Variants in B3GALT1 observed in about 807,000 individuals in gnomAD.
The protein encoded by B3GALT1 is beta-1,3-galactosyltransferase 1, also known as UDP-Gal:betaGlcNAc beta 1,3-galactosyltransferase, polypeptide 1.
Under a neutral mutation model 23.2 loss-of-function variants are expected in B3GALT1, and 10 were observed. That is an observed-to-expected ratio of 0.43 (90% CI 0.27 to 0.73). B3GALT1 has a LOEUF of 0.73. Among genes scored for constraint, B3GALT1 ranks in the 30% least tolerant of loss-of-function variants. B3GALT1 has a pLI of 0.21. For synonymous variants in B3GALT1, 156 were observed against 141.5 expected, an observed-to-expected ratio of 1.10 and a Z score of -0.73; for missense variants, 299 against 405.4, an observed-to-expected ratio of 0.74 and a Z score of 2.25.
chr2:167,540,709 G>A (rs974127779), intron 2 of B3GALT1, among the ~76,000 whole-genome samples: 7 of 151,996 alleles, frequency 4.6e-5, no homozygotes, highest in Non-Finnish European at 8.8e-5. Context: ...CCTCATATAT[G>A]TTATTTCTAA....
At chr2:167,609,286 C>G (rs1383713529) in intron 2 of B3GALT1, among the ~76,000 whole-genome samples, 1 of 152,084 alleles carries the variant, frequency 6.6e-6, no homozygotes, top group Non-Finnish European at 1.5e-5. Flanking sequence ...AGCTTTAGCT[C>G]CCAACTGGGG....
chr2:167,761,687 CT>C (rs1370868838), intron 3 of B3GALT1, among the ~76,000 whole-genome samples: 3 of 152,168 alleles, frequency 2.0e-5, no homozygotes, highest in Non-Finnish European at 4.4e-5. Context: ...AGCCTTCTGG[CT>C]TTTTGTTCAG....
intron 2 of B3GALT1, among the ~76,000 whole-genome samples, chr2:167,625,188 A>C (rs1363863518): frequency 6.6e-6 from 1 of 152,042 alleles, no homozygotes; most frequent in Non-Finnish European, 1.5e-5. Flanking sequence ...TTTTCTTTCA[A>C]ACAATTTAAA....
chr2:167,601,552 C>T (rs182682559), intron 2 of B3GALT1, among the ~76,000 whole-genome samples: 115 of 152,316 alleles, frequency 7.6e-4, no homozygotes, highest in Middle Eastern at 6.8e-3. Flanking sequence ...CACTGTTAGA[C>T]TTATGGTGTC....
chr2:167,861,244 T>A (rs1690093446), intron 4 of B3GALT1, among the ~76,000 whole-genome samples: 2 of 152,364 alleles, frequency 1.3e-5, no homozygotes, highest in Non-Finnish European at 2.9e-5. Context: ...TAGGCTTGGC[T>A]AATCTATGAT....
At chr2:167,388,287 A>G (rs1346227670) in intron 1 of B3GALT1, among the ~76,000 whole-genome samples, 1 of 152,224 alleles carries the variant, frequency 6.6e-6, no homozygotes, top group East Asian at 1.9e-4. Context: ...CTTGAAATCC[A>G]CTGAAGGTTT....
chr2:167,782,188 C>T (rs547392503), intron 3 of B3GALT1, among the ~76,000 whole-genome samples: 9 of 152,270 alleles, frequency 5.9e-5, no homozygotes, highest in East Asian at 3.9e-4. Flanking sequence ...AGTACACTAA[C>T]GGAGATTCCA....
chr2:167,629,090 G>A (rs933047858), intron 2 of B3GALT1, among the ~76,000 whole-genome samples: 4 of 151,606 alleles, frequency 2.6e-5, no homozygotes, highest in East Asian at 1.9e-4. Flanking sequence ...AACAGAGGAC[G>A]GATTGGAGCA....
chr2:167,871,779 A>G lies in B3GALT1; in HGVS notation c.*1759A>G, dbSNP rs1690352501. 3 of 152,090 alleles carry G rather than the reference A, an allele frequency of 2.0e-5. No homozygotes were observed. Among genetic ancestry groups the G allele is most frequent in the Non-Finnish European group, 4.4e-5 (3 of 68,004 alleles). The allele number at this position is 152,090 out of a possible 1,614,324, so 9.4% of individuals were successfully genotyped here. On this transcript the variant is annotated 3_prime_UTR_variant, in exon 5 of 5. Coordinates refer to ENST00000392690, the MANE Select transcript of B3GALT1 (RefSeq NM_020981.4). ...TCACCTCTTTCAGAAGCAGCAGAATAGGCAGTCAGCAAACCTGCACATTGC... is the reference window on the plus strand; with the variant it reads ...TCACCTCTTTCAGAAGCAGCAGAATGGGCAGTCAGCAAACCTGCACATTGC...
At chr2:167,494,246 A>C (rs1699747831) in intron 2 of B3GALT1, among the ~76,000 whole-genome samples, 1 of 152,102 alleles carries the variant, frequency 6.6e-6, no homozygotes, top group Non-Finnish European at 1.5e-5. Context: ...ATATTTAATA[A>C]ATAGATCAAA....
chr2:167,531,612 G>T, intron 2 of B3GALT1, among the ~76,000 whole-genome samples: 1 of 152,020 alleles, frequency 6.6e-6, no homozygotes, highest in South Asian at 2.1e-4. Context: ...AGTTAAAAAA[G>T]AAAGTAAAAC....
chr2:167,866,188 T>TTGAC (rs1690214372), intron 4 of B3GALT1, among the ~76,000 whole-genome samples: 1 of 152,194 alleles, frequency 6.6e-6, no homozygotes, highest in Admixed American at 6.5e-5. Flanking sequence ...CCCTCATTGT[T>TTGAC]TGACTCTGGC....
chr2:167,293,503 G>T (rs1696292785), intron 1 of B3GALT1, among the ~76,000 whole-genome samples, 169 bp downstream of exon 1: 1 of 152,170 alleles, frequency 6.6e-6, no homozygotes, highest in South Asian at 2.1e-4. Context: ...GCTCCAGCTG[G>T]TGCGTTCTCC....
At chr2:167,408,497 A>T (rs1315779582) in intron 1 of B3GALT1, among the ~76,000 whole-genome samples, 1 of 152,176 alleles carries the variant, frequency 6.6e-6, no homozygotes, top group East Asian at 1.9e-4. Flanking sequence ...TATTGAACAT[A>T]CTACTGGAAC....
At chr2:167,515,888 G>C (rs190074201) in intron 2 of B3GALT1, among the ~76,000 whole-genome samples, 1 of 152,092 alleles carries the variant, frequency 6.6e-6, no homozygotes, top group Admixed American at 6.6e-5. Flanking sequence ...CCAAACAAAT[G>C]ACTTGTAAAA....
intron 2 of B3GALT1, among the ~76,000 whole-genome samples, chr2:167,551,958 A>C (rs918950141): frequency 6.6e-6 from 1 of 152,212 alleles, no homozygotes. Flanking sequence ...AATCCTTTTC[A>C]GTAGAGTAAA....
chr2:167,587,993 C>T (rs1027192851), intron 2 of B3GALT1, among the ~76,000 whole-genome samples: 14 of 152,252 alleles, frequency 9.2e-5, no homozygotes, highest in African/African-American at 3.4e-4. Context: ...TTGATGGAAA[C>T]TGAGTGTACT....
chr2:167,803,499 T>C (rs1688683593), intron 3 of B3GALT1, among the ~76,000 whole-genome samples: 1 of 152,204 alleles, frequency 6.6e-6, no homozygotes, highest in Admixed American at 6.5e-5. Context: ...CGTAGCTCTA[T>C]TGTTTTTGGA....
intron 2 of B3GALT1, among the ~76,000 whole-genome samples, chr2:167,567,880 C>T (rs1179894086): frequency 6.6e-6 from 1 of 151,992 alleles, no homozygotes; most frequent in African/African-American, 2.4e-5. Context: ...TCCTTTGTGC[C>T]CCACCTATTC....
Sources: allele counts gnomAD v4.1 joint callset (sites outside exome capture counted in the v4.1 genomes callset), GRCh38; gene constraint gnomAD v4.1.1; transcripts MANE v1.5; gene names NCBI Gene and HGNC (gene_info 2026-07-23, HGNC 2026-07-21).